The following COL4A1 variants were observed in gnomAD, a reference collection of about 807,000 sequenced individuals.
COL4A1 encodes the protein collagen type IV alpha 1 chain, also known as collagen alpha-1(IV) chain.
Under a neutral mutation model 216.6 loss-of-function variants are expected in COL4A1, and 40 were observed. The ratio of observed to expected loss-of-function variants is 0.18; its 90% confidence interval spans 0.14 to 0.24. COL4A1 has a LOEUF of 0.24. Among genes scored for constraint, COL4A1 ranks in the 10% least tolerant of loss-of-function variants. The probability of loss-of-function intolerance (pLI) is 1.00; values close to 1 mark genes in which losing one functional copy is unlikely to be tolerated. For missense variants in COL4A1, 1,628 were observed against 2,196.8 expected (o/e 0.74, Z 5.18); for synonymous variants, 839 against 810.7 (o/e 1.03, Z -0.59).
At chr13:110,242,405 A>C (rs1271629661) in intron 2 of COL4A1, among the ~76,000 whole-genome samples, 4 of 152,254 alleles carry the variant, frequency 2.6e-5, no homozygotes, top group Non-Finnish European at 2.9e-5. Flanking sequence ...CAGATTTTCT[A>C]CCAAGAGTCA....
chr13:110,231,938 A>C (rs897095453), intron 2 of COL4A1, among the ~76,000 whole-genome samples: 2 of 152,222 alleles, frequency 1.3e-5, no homozygotes, highest in East Asian at 1.9e-4. Context: ...TTAAGTCCTC[A>C]AGCTCTAGCA....
chr13:110,231,021 A>T (rs1881033827), intron 2 of COL4A1, among the ~76,000 whole-genome samples: 1 of 152,178 alleles, frequency 6.6e-6, no homozygotes. Flanking sequence ...ATGATTAATG[A>T]CGTTGCATCC....
chr13:110,230,243 A>G (rs941812337), intron 2 of COL4A1, among the ~76,000 whole-genome samples: 2 of 151,412 alleles, frequency 1.3e-5, no homozygotes, highest in East Asian at 1.9e-4. Context: ...TGTGGTATGT[A>G]TGTGTGTGTG....
rs868180304 is a variant in COL4A1, at chr13:110,306,565, C to T, written c.84+379G>A. Among the ~76,000 whole-genome samples the T allele has an allele frequency of 2.2e-4, 34 of 152,282 alleles. No individual in the cohort carries two copies. In the Middle Eastern group the frequency reaches 0.021, roughly 92 times the overall value. Reference sequence around the variant, plus strand: ...AGCAGCGCGGGGTGGGCGCTCCCGGCCCTCCAGCCCCCAACTCCCTCGCGC... The same window carrying T: ...AGCAGCGCGGGGTGGGCGCTCCCGGTCCTCCAGCCCCCAACTCCCTCGCGC... On this transcript the variant is annotated intron_variant, in intron 1 of 51. Coordinates refer to ENST00000375820, the MANE Select transcript of COL4A1 (RefSeq NM_001845.6).
At chr13:110,206,955 T>G in intron 13 of COL4A1, 64 bp from the exon 14 acceptor site, 1 of 1,530,488 alleles carries the variant, frequency 6.5e-7, no homozygotes, top group Non-Finnish European at 9.0e-7. Context: ...ATATGCTGCA[T>G]TAAACACACA....
chr13:110,258,389 A>G (rs956026728), intron 1 of COL4A1, among the ~76,000 whole-genome samples: 1 of 152,076 alleles, frequency 6.6e-6, no homozygotes, highest in Non-Finnish European at 1.5e-5. Context: ...AAAATACAAA[A>G]ATTAGCCAGG....
intron 49 of COL4A1, among the ~76,000 whole-genome samples, chr13:110,156,171 T>A (rs1876778002): frequency 6.6e-6 from 1 of 152,212 alleles, no homozygotes; most frequent in Non-Finnish European, 1.5e-5. Flanking sequence ...GTGGCTCTCC[T>A]GGAGGGGCTG....
intron 6 of COL4A1, 42 bp downstream of exon 6, chr13:110,212,375 C>T (rs747623475): frequency 2.3e-5 from 37 of 1,609,912 alleles, no homozygotes; most frequent in Non-Finnish European, 3.1e-5. Flanking sequence ...GCAAAAATTA[C>T]GTAAACACAC....
chr13:110,180,458 G>A (rs571659635), intron 29 of COL4A1, among the ~76,000 whole-genome samples: 35 of 152,334 alleles, frequency 2.3e-4, no homozygotes, highest in Admixed American at 1.9e-3. Flanking sequence ...CGGCCCCTGT[G>A]GTGCCCATCT....
chr13:110,153,799 C>G (rs1433124623), intron 50 of COL4A1, among the ~76,000 whole-genome samples: 1 of 152,144 alleles, frequency 6.6e-6, no homozygotes, highest in African/African-American at 2.4e-5. Context: ...TTAAAAATTG[C>G]TTTCCTGCCA....
intron 1 of COL4A1, among the ~76,000 whole-genome samples, chr13:110,262,861 T>C (rs1361913608): frequency 6.6e-6 from 1 of 152,194 alleles, no homozygotes; most frequent in African/African-American, 2.4e-5. Context: ...AAAACCAGTA[T>C]TTCATTTCAA....
intron 1 of COL4A1, among the ~76,000 whole-genome samples, chr13:110,302,124 G>C (rs1303270787): frequency 6.6e-6 from 1 of 152,174 alleles, no homozygotes; most frequent in Non-Finnish European, 1.5e-5. Context: ...CCTCTGGGAA[G>C]CATCCAGAAA....
intron 1 of COL4A1, among the ~76,000 whole-genome samples, chr13:110,248,667 T>C (rs1402036434): frequency 6.6e-6 from 1 of 152,196 alleles, no homozygotes; most frequent in Non-Finnish European, 1.5e-5. Flanking sequence ...AATTTTTTTG[T>C]ATTTTTAGTA....
chr13:110,194,997 A>G, intron 22 of COL4A1, 26 bp downstream of exon 22: 1 of 1,602,098 alleles, frequency 6.2e-7, no homozygotes, highest in South Asian at 1.1e-5. Flanking sequence ...CACAACCACC[A>G]TTTTAAAAAA....
chr13:110,170,130 G>GA (rs1461749364), intron 42 of COL4A1, among the ~76,000 whole-genome samples: 15 of 24,088 alleles, frequency 6.2e-4, no homozygotes, highest in Middle Eastern at 0.021. Flanking sequence ...AGGAAGGAAG[G>GA]AAGGAAGGAA....
chr13:110,181,727 T>C (rs192428223), intron 28 of COL4A1, among the ~76,000 whole-genome samples: 147 of 152,296 alleles, frequency 9.7e-4, no homozygotes, highest in Non-Finnish European at 1.9e-3. Context: ...TTTATTCATC[T>C]ACTCAAGGTG....
At chr13:110,303,881 A>G (rs564572035) in intron 1 of COL4A1, among the ~76,000 whole-genome samples, 3 of 152,256 alleles carry the variant, frequency 2.0e-5, no homozygotes, top group African/African-American at 7.2e-5. Flanking sequence ...GGAATGAAGG[A>G]AGGCACAAAC....
At chr13:110,269,727 C>G (rs1035366534) in intron 1 of COL4A1, among the ~76,000 whole-genome samples, 3 of 151,974 alleles carry the variant, frequency 2.0e-5, no homozygotes, top group African/African-American at 7.3e-5. Flanking sequence ...CCACAGGGCG[C>G]ATCCCGATTG....
At chr13:110,198,296 G>A (rs1879000133) in intron 21 of COL4A1, among the ~76,000 whole-genome samples, 171 bp downstream of exon 21, 1 of 152,122 alleles carries the variant, frequency 6.6e-6, no homozygotes, top group Admixed American at 6.5e-5. Context: ...GCTTTTTGTA[G>A]CATGGTTCAT....
Sources: allele counts gnomAD v4.1 joint callset (sites outside exome capture counted in the v4.1 genomes callset), GRCh38; gene constraint gnomAD v4.1.1; transcripts MANE v1.5; gene names NCBI Gene and HGNC (gene_info 2026-07-23, HGNC 2026-07-21).